PLD5: variants seen among roughly 807,000 people sequenced by gnomAD.
PLD5 encodes the protein phospholipase D family member 5, also known as inactive phospholipase D5.
PLD5 carries 36 observed loss-of-function variants against 61.1 expected under a neutral mutation model. That is an observed-to-expected ratio of 0.59 (90% CI 0.45 to 0.78). The LOEUF (loss-of-function observed/expected upper bound fraction) is 0.78, where lower values mean the gene tolerates loss of function less well. Ranked by LOEUF, PLD5 falls within the 30% of genes least tolerant of loss-of-function variation. PLD5 has a pLI of 0.00. For missense variants in PLD5, 515 were observed against 644.4 expected, an observed-to-expected ratio of 0.80 and a Z score of 2.17; for synonymous variants, 243 against 242.8, an observed-to-expected ratio of 1.00 and a Z score of -0.01.
intron 4 of PLD5, among the ~76,000 whole-genome samples, chr1:242,262,978 A>G (rs1288332522): frequency 6.6e-6 from 1 of 152,048 alleles, no homozygotes; most frequent in African/African-American, 2.4e-5. Context: ...TTTCAAAAGC[A>G]CCTCACCTCC....
intron 5 of PLD5, among the ~76,000 whole-genome samples, chr1:242,149,880 G>C (rs565037472): frequency 6.6e-6 from 1 of 151,558 alleles, no homozygotes; most frequent in Non-Finnish European, 1.5e-5. Context: ...TCTTTGGTCA[G>C]TCTGGCTATA....
chr1:242,194,043 G>A (rs867152809), intron 5 of PLD5, among the ~76,000 whole-genome samples: 5 of 152,064 alleles, frequency 3.3e-5, no homozygotes, highest in African/African-American at 7.2e-5. Context: ...TGACCCATCC[G>A]CAGTGAGTTC....
intron 3 of PLD5, among the ~76,000 whole-genome samples, chr1:242,278,804 T>A (rs1674555656): frequency 6.6e-6 from 1 of 152,224 alleles, no homozygotes; most frequent in South Asian, 2.1e-4. Flanking sequence ...AAGGCACATT[T>A]AACATCATTT....
At chr1:242,252,064 A>G (rs1368670237) in intron 4 of PLD5, among the ~76,000 whole-genome samples, 1 of 152,172 alleles carries the variant, frequency 6.6e-6, no homozygotes, top group Admixed American at 6.5e-5. Context: ...AGCTGTGAGT[A>G]TTTGGAATAC....
intron 1 of PLD5, among the ~76,000 whole-genome samples, chr1:242,484,818 C>T (rs1667902317): frequency 6.6e-6 from 1 of 152,308 alleles, no homozygotes; most frequent in Admixed American, 6.5e-5. Flanking sequence ...CAATAAAATA[C>T]TGGCAAACCG....
intron 1 of PLD5, among the ~76,000 whole-genome samples, chr1:242,485,745 T>C (rs1376226944): frequency 1.3e-5 from 2 of 152,064 alleles, no homozygotes; most frequent in African/African-American, 2.4e-5. Flanking sequence ...AAAAAAGAGC[T>C]CGCATTGCCA....
chr1:242,227,251 T>A (rs1341980128), intron 4 of PLD5, among the ~76,000 whole-genome samples: 3 of 152,168 alleles, frequency 2.0e-5, no homozygotes, highest in African/African-American at 7.2e-5. Flanking sequence ...GGTCTCCCTA[T>A]ATTGCTCAGG....
At chr1:242,147,710 T>C (rs1033592104) in intron 5 of PLD5, among the ~76,000 whole-genome samples, 1 of 152,214 alleles carries the variant, frequency 6.6e-6, no homozygotes, top group African/African-American at 2.4e-5. Context: ...ATATTTTAGT[T>C]ATTCTAATAG....
Position 242,307,509 on chromosome 1 carries a change from G to A in PLD5, c.327-18979C>T, listed in dbSNP as rs545958920. ...TTTAAGATGAAGACAATGAGGTTTGGGCAACTGTGTCACGTATTGGGCCCA... is the reference window on the plus strand; with the variant it reads ...TTTAAGATGAAGACAATGAGGTTTGAGCAACTGTGTCACGTATTGGGCCCA... On this transcript the variant is annotated intron_variant, in intron 2 of 9. Coordinates refer to ENST00000536534, the MANE Select transcript of PLD5 (RefSeq NM_001372062.1). Among the ~76,000 whole-genome samples the A allele has an allele frequency of 1.8e-4, 27 of 152,166 alleles. No individual in the cohort carries two copies. In the South Asian group the frequency reaches 4.2e-3, roughly 23 times the overall value.
intron 5 of PLD5, among the ~76,000 whole-genome samples, chr1:242,159,275 G>T (rs1383792399): frequency 1.3e-5 from 2 of 152,154 alleles, no homozygotes; most frequent in Non-Finnish European, 2.9e-5. Context: ...TTTGGGATTT[G>T]TTGCTGCTGT....
chr1:242,084,754 T>G lies in PLD5; in HGVS notation c.*5100A>C, dbSNP rs1288709909. 2 of 122,776 alleles carry G rather than the reference T, an allele frequency of 1.6e-5. No homozygotes were observed. Among genetic ancestry groups the G allele is most frequent in the East Asian group, 2.1e-4 (1 of 4,796 alleles). 7.6% of individuals were successfully genotyped at this position (122,776 alleles called of 1,614,324 possible). ...GAATGAACATTTATTGGAAAGGTTT[T>G]TTTTTTTTTTTTTTTTTTTTTTTTA... On this transcript the variant is annotated 3_prime_UTR_variant, in exon 10 of 10. Transcript: ENST00000536534.
chr1:242,246,478 A>AACACAC (rs34723926), intron 4 of PLD5, among the ~76,000 whole-genome samples: 9,605 of 141,126 alleles, frequency 0.068, 414 homozygotes, highest in South Asian at 0.11. Flanking sequence ...TAGAAAAGAC[A>AACACAC]ACACACACAC....
chr1:242,498,493 T>A (rs1668449232), intron 1 of PLD5, among the ~76,000 whole-genome samples: 1 of 152,250 alleles, frequency 6.6e-6, no homozygotes, highest in Non-Finnish European at 1.5e-5. Context: ...CATCTTTTTT[T>A]AAACTCCTTT....
rs1558205077 is a variant in PLD5, at chr1:242,089,399, G to A, written c.*455C>T. The A allele has an allele frequency of 2.4e-6, 1 of 411,748 alleles. No homozygotes were observed. The allele number at this position is 411,748 out of a possible 1,614,324, so 25.5% of individuals were successfully genotyped here. On this transcript the variant is annotated 3_prime_UTR_variant, in exon 10 of 10. Transcript: ENST00000536534. ...ATGCTTAGCTGACTGTGTAGGTCTT[G>A]GAGACGATTTACAAGAATAAACACT...
chr1:242,194,067 A>G (rs1312472622), intron 5 of PLD5, among the ~76,000 whole-genome samples: 2 of 152,196 alleles, frequency 1.3e-5, no homozygotes, highest in Non-Finnish European at 2.9e-5. Flanking sequence ...CCTTGGAGGT[A>G]TAAGGCCACT....
chr1:242,154,761 G>A (rs1665220057), intron 5 of PLD5, among the ~76,000 whole-genome samples: 1 of 152,100 alleles, frequency 6.6e-6, no homozygotes, highest in Admixed American at 6.5e-5. Context: ...TTCTATTGAG[G>A]ATTTTCACCT....
intron 3 of PLD5, among the ~76,000 whole-genome samples, chr1:242,271,468 G>A (rs1043534001): frequency 6.6e-6 from 1 of 151,932 alleles, no homozygotes; most frequent in Non-Finnish European, 1.5e-5. Flanking sequence ...ACTTAACATC[G>A]AGGAGAAAGA....
At chr1:242,444,947 A>G (rs1415687942) in intron 1 of PLD5, among the ~76,000 whole-genome samples, 1 of 152,048 alleles carries the variant, frequency 6.6e-6, no homozygotes, top group African/African-American at 2.4e-5. Flanking sequence ...TATGTGTTAT[A>G]TGCTCTACTA....
intron 5 of PLD5, among the ~76,000 whole-genome samples, chr1:242,171,092 T>C (rs1284113257): frequency 6.6e-6 from 1 of 152,078 alleles, no homozygotes; most frequent in East Asian, 1.9e-4. Flanking sequence ...AATCGTCAGA[T>C]ACAACAGGGT....
Sources: allele counts gnomAD v4.1 joint callset (sites outside exome capture counted in the v4.1 genomes callset), GRCh38; gene constraint gnomAD v4.1.1; transcripts MANE v1.5; gene names NCBI Gene and HGNC (gene_info 2026-07-23, HGNC 2026-07-21).